Variants in ERICH6 observed in about 807,000 individuals in gnomAD.
The protein encoded by ERICH6 is glutamate-rich protein 6.
In ERICH6, 71 loss-of-function variants were observed where a neutral mutation model predicts 71.0. The ratio of observed to expected loss-of-function variants is 1.00; its 90% CI spans 0.83 to 1.22. ERICH6 has a LOEUF of 1.22. ERICH6 is among the 50% of genes most tolerant of loss of function. The pLI, the probability that ERICH6 is intolerant of heterozygous loss-of-function variation, is 0.00. For synonymous variants in ERICH6, 262 were observed against 278.4 expected (o/e 0.94, Z 0.59); for missense variants, 808 against 797.2 (o/e 1.01, Z -0.16).
intron 2 of ERICH6, 93 bp downstream of exon 2, chr3:150,702,028 C>T: frequency 1.2e-6 from 1 of 848,250 alleles, no homozygotes; most frequent in Non-Finnish European, 1.8e-6. Flanking sequence ...TCACAAATGC[C>T]CTGGATTATT....
rs10663390 is a variant in ERICH6 at position 150,702,889 on chromosome 3, AGTGTGTGTGTGTGT to A, written c.403+593_403+606del. Among the ~76,000 whole-genome samples, 66 of 113,444 alleles carry A rather than the reference AGTGTGTGTGTGTGT, an allele frequency of 5.8e-4. 1 individual carries two copies. The East Asian group carries it at 0.015, about 26-fold the overall frequency. 74.4% of individuals were successfully genotyped at this position (113,444 alleles called of 152,430 possible). A position where few individuals can be genotyped will look rare whatever the true frequency, so the allele number is the denominator to read the frequency against. ...AAGGCACTTCTCTGGAAATAATATG[AGTGTGTGTGTGTGT>A]GTGTGTGTGTGTCTGTGAGAGAGAG... is the stretch of plus-strand genomic sequence containing the variant. On this transcript the variant is annotated intron_variant, in intron 1 of 13. Transcript: ENST00000295910.
chr3:150,670,964 C>T (rs1711499508), intron 11 of ERICH6, among the ~76,000 whole-genome samples: 1 of 152,070 alleles, frequency 6.6e-6, no homozygotes, highest in African/African-American at 2.4e-5. Context: ...AGTTGGAAAA[C>T]TGTATATTTT....
In ERICH6 at chr3:150,685,802, G is replaced by A. The variant is rs542683845; in HGVS notation, c.723C>T (p.Ile241=). 3.0e-5 allele frequency: 48 copies of A among 1,614,102 alleles called. No individual in the cohort carries two copies. Among genetic ancestry groups the A allele is most frequent in the Middle Eastern group, 3.3e-4 (2 of 6,062 alleles). Residue 241 remains isoleucine, a synonymous_variant, in exon 6 of 14, where the codon ATC becomes ATT. Coordinates refer to ENST00000295910, the MANE Select transcript of ERICH6 (RefSeq NM_152394.5). ...FEPSLRTLPS[I]GPPSILAYKE... The stretch of plus-strand genomic sequence containing the variant: ...TGTATGCCAGAATGGATGGTGGTCC[G>A]ATGCTGGGTAACGTTCTTAGAGAAG...
At chr3:150,684,209 G>A (rs1461540891) in intron 6 of ERICH6, among the ~76,000 whole-genome samples, 1 of 152,090 alleles carries the variant, frequency 6.6e-6, no homozygotes, top group Non-Finnish European at 1.5e-5. Flanking sequence ...AATATAGTGA[G>A]ACCACATCTT....
intron 3 of ERICH6, 90 bp downstream of exon 3, chr3:150,698,701 C>T: frequency 9.2e-7 from 1 of 1,086,746 alleles, no homozygotes; most frequent in Non-Finnish European, 1.4e-6. Context: ...GGCTGGGATT[C>T]AAATCTAGCT....
rs1727146574 is a variant in ERICH6 at position 150,659,952 on chromosome 3, A to G, written c.1932T>C (p.Ser644=). The change falls in exon 14 of 14, where the codon AGT becomes AGC. Residue 644 remains serine (S), a synonymous_variant. Transcript: ENST00000295910. ...LSLKLIALCH[S]SGIKQDIMKT... ...TCATTATATCTTGCTTTATACCAGA[A>G]CTGTGACAAAGGGCAATTAGTTTTA... 1 of 1,613,664 alleles carries G rather than the reference A, an allele frequency of 6.2e-7. No homozygotes were observed. The highest frequency in any genetic ancestry group is 8.5e-7 in the Non-Finnish European group (1 of 1,179,606).
intron 11 of ERICH6, among the ~76,000 whole-genome samples, chr3:150,671,830 A>T (rs144450007): frequency 5.3e-5 from 8 of 152,222 alleles, no homozygotes; most frequent in African/African-American, 1.9e-4. Context: ...GGCTTTCACC[A>T]TGTTGCCCAG....
At chr3:150,703,212 G>T (rs1032799684) in intron 1 of ERICH6, among the ~76,000 whole-genome samples, 6 of 151,424 alleles carry the variant, frequency 4.0e-5, no homozygotes, top group Non-Finnish European at 8.8e-5. Flanking sequence ...GCGACAGAGC[G>T]AGACTCTTGT....
intron 12 of ERICH6, 109 bp downstream of exon 12, chr3:150,669,187 C>T: frequency 8.1e-7 from 1 of 1,229,054 alleles, no homozygotes; most frequent in Non-Finnish European, 1.1e-6. Context: ...CTAAAGAACA[C>T]TAACTTAAAT....
In ERICH6 at chr3:150,680,524, C is replaced by A. The variant is rs144597450; in HGVS notation, c.1055G>T (p.Arg352Leu). The A allele has an allele frequency of 0.017, 28,245 of 1,614,028 alleles. 300 individuals carry two copies. Among genetic ancestry groups the A allele is most frequent in the Non-Finnish European group, 0.021 (24,552 of 1,179,912 alleles). ...TATTATTGCAAAATGTCTGGCCATT[C>A]GTTGCTCCTGTTTCCTACAAAATCA... Reference protein sequence around the residue: ...EKALQRKQEQRMARHFAIISR... With the variant: ...EKALQRKQEQLMARHFAIISR... The change falls in exon 9 of 14, where the codon CGA becomes CTA. Residue 352 changes from arginine to leucine, a missense_variant. Transcript: ENST00000295910.
intron 6 of ERICH6, 32 bp from the exon 7 acceptor site, chr3:150,682,348 T>TCCCCACA (rs146020271): frequency 0.03 from 47,059 of 1,565,716 alleles, 1,305 homozygotes; most frequent in South Asian, 0.091. Context: ...ATTAAAGAAG[T>TCCCCACA]CCCCACAAAG....
chr3:150,686,214 A>G, intron 4 of ERICH6, 84 bp downstream of exon 4: 6 of 1,490,098 alleles, frequency 4.0e-6, no homozygotes, highest in Non-Finnish European at 4.7e-6. Context: ...TTCAAAGCAG[A>G]TGGGCTCTGT....
chr3:150,691,836 G>A (rs750902486), intron 3 of ERICH6, among the ~76,000 whole-genome samples: 47 of 151,968 alleles, frequency 3.1e-4, no homozygotes, highest in Non-Finnish European at 5.4e-4. Flanking sequence ...CACCAAGTCC[G>A]GCTGAATTTT....
intron 3 of ERICH6, among the ~76,000 whole-genome samples, chr3:150,689,977 T>A (rs1007074587): frequency 5.9e-5 from 9 of 152,248 alleles, no homozygotes; most frequent in Non-Finnish European, 1.2e-4. Flanking sequence ...TTGGGTTTTT[T>A]AAGACAGGTG....
chr3:150,688,356 C>T (rs1412580828), intron 3 of ERICH6, among the ~76,000 whole-genome samples: 1 of 152,048 alleles, frequency 6.6e-6, no homozygotes. Context: ...ACAAGAACAA[C>T]CCCGATATGT....
Position 150,703,859 on chromosome 3 carries a change from C to T in ERICH6, c.40G>A (p.Gly14Arg). 6.2e-7 allele frequency: 1 copy of T among 1,612,768 alleles called. No individual in the cohort carries two copies. Among genetic ancestry groups the T allele is most frequent in the Non-Finnish European group, 8.5e-7 (1 of 1,179,398 alleles). Residue 14 changes from glycine (G) to arginine (R), a missense_variant, in exon 1 of 14, where the codon GGG (glycine) becomes AGG (arginine). By Grantham distance (125) the Gly-to-Arg change is moderately radical. Transcript: ENST00000295910. ...LRSPSGFGDP[G>R]KKDQKESEEE... ...TCTGACTCCTTCTGGTCCTTCTTCC[C>T]CGGGTCTCCGAAGCCGCTAGGCGAG...
At chr3:150,684,823 T>C (rs1197187412) in intron 6 of ERICH6, among the ~76,000 whole-genome samples, 1 of 151,892 alleles carries the variant, frequency 6.6e-6, no homozygotes, top group Non-Finnish European at 1.5e-5. Context: ...CTGGGAAACA[T>C]AGTGAGACCC....
At chr3:150,678,740 G>C (rs894870841) in intron 9 of ERICH6, among the ~76,000 whole-genome samples, 186 bp from the exon 10 acceptor site, 4 of 151,814 alleles carry the variant, frequency 2.6e-5, no homozygotes, top group East Asian at 1.9e-4. Context: ...ACATTCCTTT[G>C]TTAAAAGAAG....
At position 150,703,790 on chromosome 3, in the gene ERICH6, C is replaced by CCTCCTCCACCTCTTCCTCCTT. The variant is rs1226182775; in HGVS notation, c.108_109insAAGGAGGAAGAGGTGGAGGAG (p.Glu36_Glu37insLysGluGluGluValGluGlu). 6.2e-7 allele frequency: 1 copy of CCTCCTCCACCTCTTCCTCCTT among 1,608,132 alleles called. No individual in the cohort carries two copies. The highest frequency in any genetic ancestry group is 2.2e-5 in the East Asian group (1 of 44,652). On this transcript the variant is annotated inframe_insertion, in exon 1 of 14. Coordinates refer to ENST00000295910, the MANE Select transcript of ERICH6 (RefSeq NM_152394.5). ...TCCTCCTCCTCCACCTCTTCCTCCT[C>CCTCCTCCACCTCTTCCTCCTT]CTCCTCCACCTCTTCCTCCTCCTCC...
Sources: gnomAD v4.1 joint callset for allele counts (sites outside exome capture counted in the v4.1 genomes callset) on GRCh38, gnomAD v4.1.1 for gene constraint, MANE v1.5 for transcripts, NCBI Gene and HGNC (gene_info 2026-07-23, HGNC 2026-07-21) for gene names.